The following SHROOM3 variants were observed in gnomAD, a reference collection of about 807,000 sequenced individuals.
SHROOM3 encodes shroom family member 3.
SHROOM3 carries 47 observed loss-of-function variants against 138.6 expected under a neutral mutation model. The observed-to-expected ratio is 0.34, with a 90% CI of 0.27 to 0.43. The LOEUF is 0.43. SHROOM3 is among the 20% of genes least tolerant of loss of function. SHROOM3 has a pLI of 1.00. For missense variants in SHROOM3, 2,491 were observed against 2,596.5 expected, an observed-to-expected ratio of 0.96 and a Z score of 0.88; for synonymous variants, 1,062 against 1,063.3, an observed-to-expected ratio of 1.00 and a Z score of 0.02.
chr4:76,668,900 T>G (rs1334651370), intron 2 of SHROOM3, among the ~76,000 whole-genome samples: 1 of 152,244 alleles, frequency 6.6e-6, no homozygotes, highest in Non-Finnish European at 1.5e-5. Flanking sequence ...TTCTGACTAC[T>G]ACAGTATAGT....
chr4:76,647,271 G>A (rs918003108), intron 2 of SHROOM3, among the ~76,000 whole-genome samples: 2 of 152,150 alleles, frequency 1.3e-5, no homozygotes, highest in Admixed American at 6.5e-5. Flanking sequence ...AGGGTAAGTG[G>A]GTGAGTGGTG....
intron 2 of SHROOM3, among the ~76,000 whole-genome samples, chr4:76,579,848 T>G (rs1278989116): frequency 2.6e-5 from 4 of 152,248 alleles, no homozygotes; most frequent in African/African-American, 9.6e-5. Flanking sequence ...GTTGATGATT[T>G]TTAATCCTAA....
At chr4:76,558,445 A>G (rs969842772) in intron 2 of SHROOM3, among the ~76,000 whole-genome samples, 14 of 152,234 alleles carry the variant, frequency 9.2e-5, no homozygotes, top group African/African-American at 2.9e-4. Flanking sequence ...GATGTGACAC[A>G]TGCTAATATG....
At chr4:76,529,507 A>G (rs1732785443) in intron 1 of SHROOM3, among the ~76,000 whole-genome samples, 1 of 151,972 alleles carries the variant, frequency 6.6e-6, no homozygotes, top group Non-Finnish European at 1.5e-5. Context: ...TATATATTTT[A>G]GTAGACACGG....
At chr4:76,735,839 T>TA (rs1170202101) in intron 4 of SHROOM3, among the ~76,000 whole-genome samples, 5 of 75,834 alleles carry the variant, frequency 6.6e-5, no homozygotes, top group African/African-American at 1.2e-4. Flanking sequence ...GACTCTATCT[T>TA]AAAAAAAAAA....
intron 3 of SHROOM3, among the ~76,000 whole-genome samples, chr4:76,723,406 C>T (rs1169490876): frequency 6.6e-6 from 1 of 152,174 alleles, no homozygotes; most frequent in Non-Finnish European, 1.5e-5. Context: ...TATTCTTCTC[C>T]TAGCTCTTTG....
chr4:76,712,967 G>A (rs1422268024), intron 3 of SHROOM3, among the ~76,000 whole-genome samples: 1 of 152,154 alleles, frequency 6.6e-6, no homozygotes, highest in Non-Finnish European at 1.5e-5. Context: ...CAATGGTAAG[G>A]ATTTGCTTGT....
rs532882648 is a variant in SHROOM3 at position 76,750,951 on chromosome 4, G to A, written c.3827+1861G>A. On this transcript the variant is annotated intron_variant, in intron 6 of 10. Transcript: ENST00000296043. ...GCATAGGTGCAGCTGCATGCCTAGT[G>A]CTTGCTGAAAAGGATATTGATAATT... Among the ~76,000 whole-genome samples the A allele has an allele frequency of 2.0e-5, 3 of 152,262 alleles. No individual in the cohort carries two copies. In the Middle Eastern group the frequency reaches 0.01, roughly 518 times the overall value.
chr4:76,597,909 T>C (rs1161982058), intron 2 of SHROOM3, among the ~76,000 whole-genome samples: 1 of 152,190 alleles, frequency 6.6e-6, no homozygotes, highest in East Asian at 1.9e-4. Flanking sequence ...CAATTATTTT[T>C]CTACAATCTC....
intron 1 of SHROOM3, among the ~76,000 whole-genome samples, chr4:76,455,638 C>T (rs1218614695): frequency 3.3e-5 from 5 of 151,886 alleles, no homozygotes; most frequent in Admixed American, 3.3e-4. Flanking sequence ...AAAAGAATAA[C>T]CAAGGGTCAA....
intron 2 of SHROOM3, among the ~76,000 whole-genome samples, chr4:76,633,349 A>AG (rs1291605073): frequency 1.4e-5 from 2 of 147,924 alleles, no homozygotes; most frequent in Non-Finnish European, 3.0e-5. Context: ...AAAAAAAAAA[A>AG]AAAAGAAAAA....
At chr4:76,654,208 G>A (rs1009639035) in intron 2 of SHROOM3, among the ~76,000 whole-genome samples, 7 of 152,126 alleles carry the variant, frequency 4.6e-5, no homozygotes, top group Non-Finnish European at 8.8e-5. Context: ...AGTTAACGTC[G>A]AAGTGTAAGA....
At chr4:76,447,629 G>A (rs1411407497) in intron 1 of SHROOM3, among the ~76,000 whole-genome samples, 1 of 152,170 alleles carries the variant, frequency 6.6e-6, no homozygotes, top group East Asian at 1.9e-4. Flanking sequence ...CTTTGCTTTT[G>A]CTTTTGTTTA....
At chr4:76,658,768 A>C (rs759403716) in intron 2 of SHROOM3, among the ~76,000 whole-genome samples, 6 of 152,196 alleles carry the variant, frequency 3.9e-5, no homozygotes, top group Non-Finnish European at 8.8e-5. Context: ...GGATAAACAG[A>C]TGAATAGTGT....
intron 2 of SHROOM3, among the ~76,000 whole-genome samples, chr4:76,699,421 G>C (rs1719841495): frequency 1.3e-5 from 2 of 152,166 alleles, no homozygotes; most frequent in Non-Finnish European, 2.9e-5. Flanking sequence ...GGACCCCCAG[G>C]CTCATCTGTA....
At chr4:76,680,145 T>C (rs1484977572) in intron 2 of SHROOM3, among the ~76,000 whole-genome samples, 2 of 148,068 alleles carry the variant, frequency 1.4e-5, no homozygotes, top group African/African-American at 2.5e-5. Flanking sequence ...CCTATACCTT[T>C]TTTTTTTTTT....
chr4:76,596,568 A>G (rs73828191), intron 2 of SHROOM3, among the ~76,000 whole-genome samples: 2 of 146,504 alleles, frequency 1.4e-5, no homozygotes, highest in Admixed American at 1.4e-4. Flanking sequence ...AGGTAGGTAG[A>G]TAGGTACAGA....
At chr4:76,654,226 C>T (rs1286913382) in intron 2 of SHROOM3, among the ~76,000 whole-genome samples, 1 of 152,120 alleles carries the variant, frequency 6.6e-6, no homozygotes, top group Non-Finnish European at 1.5e-5. Flanking sequence ...AGATAAGACA[C>T]AGGTGAAAAA....
chr4:76,590,281 C>G (rs1342710990), intron 2 of SHROOM3, among the ~76,000 whole-genome samples: 2 of 152,184 alleles, frequency 1.3e-5, no homozygotes, highest in African/African-American at 4.8e-5. Flanking sequence ...AAGACCTGAT[C>G]ATTTAGTTTA....
Sources: allele counts gnomAD v4.1 joint callset (sites outside exome capture counted in the v4.1 genomes callset), GRCh38; gene constraint gnomAD v4.1.1; transcripts MANE v1.5; gene names NCBI Gene and HGNC (gene_info 2026-07-23, HGNC 2026-07-21).